The following WNK1 variants were observed in gnomAD, a reference collection of about 807,000 sequenced individuals.
The protein encoded by WNK1 is WNK lysine deficient protein kinase 1.
In WNK1, 38 loss-of-function variants were observed where a neutral mutation model predicts 222.8. The ratio of observed to expected loss-of-function variants is 0.17; its 90% CI spans 0.13 to 0.22. WNK1 has a LOEUF of 0.22. WNK1 is among the 10% of genes least tolerant of loss of function. WNK1 has a pLI of 1.00. For missense variants in WNK1, 2,348 were observed against 2,918.4 expected, an observed-to-expected ratio of 0.80 and a Z score of 4.50; for synonymous variants, 1,090 against 1,092.9, an observed-to-expected ratio of 1.00 and a Z score of 0.05.
In WNK1 at chr12:879,629, G is replaced by A. The variant is rs201913428; in HGVS notation, c.2430G>A (p.Ala810=). ...TIQGEPQIPV[A]TQPSVVPVHS... ...AAGGCGAACCTCAGATCCCAGTTGC[G>A]ACACAACCCTCGGTTGTTCCAGTCC... Residue 810 remains alanine (A), a synonymous_variant, in exon 11 of 28, where the codon GCG becomes GCA. Coordinates refer to ENST00000315939, the MANE Select transcript of WNK1 (RefSeq NM_018979.4). 20 of 1,609,734 alleles carry A rather than the reference G, an allele frequency of 1.2e-5. No homozygotes were observed. The highest frequency in any genetic ancestry group is 8.1e-5 in the African/African-American group (6 of 73,724).
At position 884,354 on chromosome 12, in the gene WNK1, T is replaced by C; in HGVS notation, c.3844+111T>C. ...TGATGACACAGATAATAAAAAAGAA[T>C]AGAAAACTGAAGTTATAACCAACAG... is the stretch of plus-strand genomic sequence containing the variant. On this transcript the variant is annotated intron_variant, in intron 18 of 27. Transcript: ENST00000315939. The surrounding 1 kb of genome is among the most constrained non-coding windows in gnomAD (Gnocchi z 5.6). The C allele has an allele frequency of 1.3e-6, 2 of 1,510,442 alleles. No homozygotes were observed. Among genetic ancestry groups the C allele is most frequent in the Non-Finnish European group, 9.1e-7 (1 of 1,094,696 alleles). The allele number at this position is 1,510,442 out of a possible 1,614,324, so 93.6% of individuals were successfully genotyped here. A position where few individuals can be genotyped will look rare whatever the true frequency, so the allele number is the denominator to read the frequency against.
intron 1 of WNK1, among the ~76,000 whole-genome samples, chr12:761,523 G>T (rs1941016382): frequency 6.8e-6 from 1 of 147,998 alleles, no homozygotes; most frequent in African/African-American, 2.4e-5. Context: ...CTGAGGTTCA[G>T]CTTCTCAGAG....
chr12:891,621 G>C (rs1002684431), intron 22 of WNK1, among the ~76,000 whole-genome samples: 10 of 124,240 alleles, frequency 8.0e-5, no homozygotes, highest in Non-Finnish European at 1.6e-4. Context: ...TTTTTTTTTA[G>C]TTTTTTAATT....
intron 4 of WNK1, among the ~76,000 whole-genome samples, chr12:834,073 A>C (rs1184403219): frequency 1.3e-5 from 2 of 152,226 alleles, no homozygotes; most frequent in Non-Finnish European, 1.5e-5. Context: ...CTGTTGTATG[A>C]ACTGTCAAAA....
At chr12:862,416 G>A in intron 8 of WNK1, 146 bp downstream of exon 8, 1 of 901,412 alleles carries the variant, frequency 1.1e-6, no homozygotes, top group Non-Finnish European at 1.7e-6. Context: ...TTATTATAGA[G>A]TAGGATATAG....
intron 1 of WNK1, chr12:780,998 AATAC>A (rs1478918889): frequency 6.6e-6 from 1 of 152,452 alleles, no homozygotes; most frequent in Non-Finnish European, 1.5e-5. Flanking sequence ...CATTCTAAGA[AATAC>A]ATTTACATTG....
intron 8 of WNK1, among the ~76,000 whole-genome samples, chr12:867,118 C>T (rs995748156): frequency 6.6e-6 from 1 of 151,592 alleles, no homozygotes; most frequent in Non-Finnish European, 1.5e-5. Flanking sequence ...AAGACTCCAT[C>T]TCAAAAAAAA....
At chr12:780,618 G>C (rs1028440086) in intron 1 of WNK1, among the ~76,000 whole-genome samples, 1 of 152,242 alleles carries the variant, frequency 6.6e-6, no homozygotes, top group Non-Finnish European at 1.5e-5. Context: ...GGAAACAGTT[G>C]CATGTGTTAA....
chr12:886,089 AATT>A lies in WNK1; in HGVS notation c.5280+9_5280+11del, dbSNP rs758385325. ...CCACCTCTAACTAAGGCTCCGGTAA[AATT>A]ATTGTTATAAAATAATTAGATAAAT... On this transcript the variant is annotated splice_donor_region_variant and intron_variant, in intron 19 of 27. Transcript: ENST00000315939. 3.2e-5 allele frequency: 51 copies of A among 1,602,838 alleles called. No individual in the cohort carries two copies. Among genetic ancestry groups the A allele is most frequent in the Non-Finnish European group, 4.3e-5 (51 of 1,176,346 alleles).
chr12:773,065 C>T (rs897457603), intron 1 of WNK1, among the ~76,000 whole-genome samples: 6 of 152,224 alleles, frequency 3.9e-5, no homozygotes, highest in East Asian at 1.9e-4. Flanking sequence ...TCGAGACCAG[C>T]CTGACCAACA....
chr12:785,410 A>AC (rs145783657), intron 1 of WNK1, among the ~76,000 whole-genome samples: 28,943 of 84,272 alleles, frequency 0.34, 2,634 homozygotes, highest in East Asian at 0.47. Context: ...CCCCCCCCCC[A>AC]CCCCCTCGAA....
intron 4 of WNK1, among the ~76,000 whole-genome samples, chr12:840,761 C>T (rs550143712): frequency 1.1e-4 from 16 of 152,254 alleles, no homozygotes; most frequent in African/African-American, 3.4e-4. Context: ...TACTGATCTA[C>T]GAAAGTAGTG....
In WNK1 at chr12:819,934, T is replaced by G. The variant is rs186566660; in HGVS notation, c.932+6120T>G. 4.1e-3 allele frequency among the ~76,000 whole-genome samples: 624 copies of G among 152,322 alleles called. 5 individuals are homozygous for G. The highest frequency in any genetic ancestry group is 0.032 in the South Asian group (152 of 4,822). ...TCATTGGCCTACATGTCTGTTCTTATGCCAGTACCGCATTGCTCTGATTAC... is the reference window on the plus strand; with the variant it reads ...TCATTGGCCTACATGTCTGTTCTTAGGCCAGTACCGCATTGCTCTGATTAC... On this transcript the variant is annotated intron_variant, in intron 2 of 27. Coordinates refer to ENST00000315939, the MANE Select transcript of WNK1 (RefSeq NM_018979.4).
intron 1 of WNK1, among the ~76,000 whole-genome samples, chr12:772,425 ATGTATG>A (rs1460125476): frequency 7.2e-5 from 5 of 69,308 alleles, no homozygotes; most frequent in African/African-American, 2.0e-4. Flanking sequence ...GTGTGTGTGT[ATGTATG>A]TGTGTGTGTG....
At chr12:895,300 C>G (rs1257051383) in intron 23 of WNK1, among the ~76,000 whole-genome samples, 5 of 152,120 alleles carry the variant, frequency 3.3e-5, no homozygotes, top group African/African-American at 1.2e-4. Flanking sequence ...GATCTGGATC[C>G]TCTTTTTTAG....
Position 865,211 on chromosome 12 carries a change from T to C in WNK1, c.2139+2941T>C, listed in dbSNP as rs1436541839. 3 of 1,535,948 alleles carry C rather than the reference T, an allele frequency of 2.0e-6. No individual in the cohort carries two copies. In the Admixed American group the frequency reaches 5.9e-5, roughly 30 times the overall value. ...TGCTCTTCCACCCCACCGCCAGTAC[T>C]GTCTGCACCTCTTTCTCCTTCCCTC... On this transcript the variant is annotated intron_variant, in intron 8 of 27. Transcript: ENST00000315939.
chr12:753,257 G>T lies in WNK1; in HGVS notation c.-309G>T, dbSNP rs1445848992. The stretch of plus-strand genomic sequence containing the variant: ...GCGCCTCTGCTGCCACCGCCCGCCC[G>T]GCCGCCGCTCGCCGCAGGATGGATG... On this transcript the variant is annotated 5_prime_UTR_variant, in exon 1 of 28. Coordinates refer to ENST00000315939, the MANE Select transcript of WNK1 (RefSeq NM_018979.4). The surrounding 1 kb of genome is among the most constrained non-coding windows in gnomAD (Gnocchi z 5.2). 2 of 346,584 alleles carry T rather than the reference G, an allele frequency of 5.8e-6. No individual in the cohort carries two copies. The highest frequency in any genetic ancestry group is 1.1e-4 in the East Asian group (2 of 17,516). 21.5% of individuals were successfully genotyped at this position (346,584 alleles called of 1,614,324 possible). A position where few individuals can be genotyped will look rare whatever the true frequency, so the allele number is the denominator to read the frequency against.
rs573944514 is a variant in WNK1 at position 827,453 on chromosome 12, T to A, written c.1153+191T>A. The A allele has an allele frequency of 1.6e-6, 1 of 608,406 alleles. No homozygotes were observed. Among genetic ancestry groups the A allele is most frequent in the African/African-American group, 1.8e-5 (1 of 54,152 alleles). The allele number at this position is 608,406 out of a possible 1,614,324, so 37.7% of individuals were successfully genotyped here. A position where few individuals can be genotyped will look rare whatever the true frequency, so the allele number is the denominator to read the frequency against. On this transcript the variant is annotated intron_variant, in intron 3 of 27. Transcript: ENST00000315939. This position sits in a 1 kb window ranked among gnomAD's most constrained non-coding sequence, Gnocchi z 4.6. ...TGCTTCTTGGAATCATCTTAGAGAC[T>A]ATTGGTAACATTACGTTACAAGAAA...
intron 11 of WNK1, 136 bp downstream of exon 11, chr12:880,167 C>G: frequency 1.1e-6 from 1 of 880,014 alleles, no homozygotes; most frequent in Non-Finnish European, 1.8e-6. Context: ...TAGTAAAATT[C>G]TGAGAAAGGA....
Sources: gnomAD v4.1 joint callset for allele counts (sites outside exome capture counted in the v4.1 genomes callset) on GRCh38, gnomAD v4.1.1 for gene constraint, Gnocchi (gnomAD v3.1) non-coding constraint, MANE v1.5 for transcripts, NCBI Gene and HGNC (gene_info 2026-07-23, HGNC 2026-07-21) for gene names.